CLEC18A: variants seen among roughly 807,000 people sequenced by gnomAD.
The protein encoded by CLEC18A is mannose receptor-like 1.
CLEC18A carries 5 observed loss-of-function variants against 24.0 expected under a neutral mutation model. The ratio of observed to expected loss-of-function variants is 0.21; its 90% CI spans 0.11 to 0.44. The LOEUF is 0.44. CLEC18A is among the 20% of genes least tolerant of loss of function. The pLI, the probability that CLEC18A is intolerant of heterozygous loss-of-function variation, is 0.99. For synonymous variants in CLEC18A, 29 were observed against 100.1 expected (o/e 0.29, Z 4.24); for missense variants, 83 against 233.4 (o/e 0.36, Z 4.20).
intron 2 of CLEC18A, chr16:69,953,528 G>A (rs1223703793): frequency 6.7e-6 from 1 of 149,346 alleles, no homozygotes; most frequent in Non-Finnish European, 1.5e-5. Flanking sequence ...TTAAGAAGAG[G>A]GAGGGGGCTG....
chr16:69,965,908 G>A (rs1448742109), downstream of CLEC18A, among the ~76,000 whole-genome samples: 2 of 54,852 alleles, frequency 3.6e-5, 1 homozygote, highest in Non-Finnish European at 6.1e-5. Context: ...CCTCCCTTGC[G>A]TTTGTCATTC....
In CLEC18A at chr16:69,954,477, T is replaced by C. The variant is rs1182673955; in HGVS notation, c.360T>C (p.Phe120=). The C allele has an allele frequency of 1.6e-5, 25 of 1,610,378 alleles. No homozygotes were observed. Among genetic ancestry groups the C allele is most frequent in the Middle Eastern group, 1.7e-4 (1 of 5,820 alleles). The change falls in exon 3 of 12, where the codon TTT becomes TTC. Residue 120 remains phenylalanine (F), a synonymous_variant. Transcript: ENST00000288040. ...MQLLPAGLVS[F]VEVVSLWFAE... The stretch of plus-strand genomic sequence containing the variant: ...TGCTACCCGCGGGCTTGGTGTCCTT[T>C]GTCGAAGTGGTCAGCCTATGGTTTG...
chr16:69,966,430 C>G (rs1407130056), downstream of CLEC18A, among the ~76,000 whole-genome samples: 1 of 133,592 alleles, frequency 7.5e-6, no homozygotes, highest in East Asian at 2.1e-4. Flanking sequence ...GAAGCCGCGG[C>G]CAAAACCCAC....
Position 69,954,399 on chromosome 16 carries a change from G to A in CLEC18A, c.282G>A (p.Pro94=), listed in dbSNP as rs140204323. ...CAGCCCTCTGTGGAACCCCAACCCC[G>A]AGCCTGGCGTCCGGCCTGTGGCGCA... ...ARAALCGTPT[P]SLASGLWRTL... Residue 94 remains proline, a synonymous_variant, in exon 3 of 12, where the codon CCG becomes CCA. Coordinates refer to ENST00000288040, the MANE Select transcript of CLEC18A (RefSeq NM_001370523.4). 2.0e-5 allele frequency: 33 copies of A among 1,609,976 alleles called. No homozygotes were observed. In the Middle Eastern group the frequency reaches 5.6e-4, roughly 28 times the overall value.
chr16:69,948,518 A>G (rs1278791250), upstream of CLEC18A, among the ~76,000 whole-genome samples: 3 of 151,938 alleles, frequency 2.0e-5, no homozygotes, highest in Admixed American at 6.6e-5. Context: ...GGTATCAGCT[A>G]TGCATGAGCT....
intron 2 of CLEC18A, chr16:69,953,073 G>A (rs1383936480): frequency 6.6e-6 from 1 of 151,398 alleles, no homozygotes; most frequent in Non-Finnish European, 1.5e-5. Flanking sequence ...TTGGCTGGCA[G>A]CTGGCACCCT....
At chr16:69,964,659 C>T (rs1329333769), downstream of CLEC18A, among the ~76,000 whole-genome samples, 3 of 151,116 alleles carry the variant, frequency 2.0e-5, no homozygotes, top group Non-Finnish European at 4.4e-5. Flanking sequence ...GCCACCACGC[C>T]CGGCTAATTT....
At chr16:69,953,799 G>A (rs1164083715) in intron 2 of CLEC18A, 2 of 186,286 alleles carry the variant, frequency 1.1e-5, no homozygotes, top group South Asian at 2.1e-4. Flanking sequence ...TGGGCGACAG[G>A]GTGAGACTGT....
upstream of CLEC18A, among the ~76,000 whole-genome samples, chr16:69,946,207 G>C (rs1304239565): frequency 8.0e-6 from 1 of 125,328 alleles, no homozygotes; most frequent in Admixed American, 8.6e-5. Context: ...CCAGGAGGCG[G>C]AGGTTGCAGT....
upstream of CLEC18A, among the ~76,000 whole-genome samples, chr16:69,946,392 A>AT (rs56112480): frequency 0.025 from 2,088 of 83,702 alleles, 57 homozygotes; most frequent in African/African-American, 0.038. Flanking sequence ...ATGTGTATGG[A>AT]TTTTTTTTTT....
downstream of CLEC18A, among the ~76,000 whole-genome samples, chr16:69,966,152 A>G (rs1175010774): frequency 1.1e-4 from 15 of 140,092 alleles, no homozygotes; most frequent in East Asian, 2.1e-4. Context: ...AGGGTAAACT[A>G]TTCTCATCCA....
chr16:69,948,940 CTTT>C (rs755402035), upstream of CLEC18A, among the ~76,000 whole-genome samples: 1 of 18,802 alleles, frequency 5.3e-5, no homozygotes, highest in Non-Finnish European at 7.6e-5. Flanking sequence ...TCCTGGGACT[CTTT>C]TTTTTTTTTT....
At chr16:69,951,651 G>T in intron 1 of CLEC18A, 161 bp downstream of exon 1, 4 of 1,138,148 alleles carry the variant, frequency 3.5e-6, no homozygotes, top group Non-Finnish European at 4.9e-6. Context: ...GTGAGGGGTG[G>T]ATGCTGGACT....
chr16:69,951,004 C>A, upstream of CLEC18A: 1 of 275,298 alleles, frequency 3.6e-6, no homozygotes, highest in Non-Finnish European at 7.4e-6. Flanking sequence ...GGTCACTAAT[C>A]TGCAGCACTG....
chr16:69,946,689 C>T (rs886165179), upstream of CLEC18A, among the ~76,000 whole-genome samples: 1 of 150,420 alleles, frequency 6.6e-6, no homozygotes, highest in East Asian at 2.0e-4. Flanking sequence ...CAGGTGTCAG[C>T]CACTGTGCCT....
chr16:69,962,719 C>CA (rs2059072755), intron 10 of CLEC18A: 1 of 672,324 alleles, frequency 1.5e-6, no homozygotes, highest in Non-Finnish European at 2.4e-6. Context: ...CTGTCTATTC[C>CA]AGTCCCCACC....
chr16:69,966,595 A>G (rs1959399332), downstream of CLEC18A, among the ~76,000 whole-genome samples: 1 of 135,806 alleles, frequency 7.4e-6, no homozygotes, highest in South Asian at 2.6e-4. Context: ...CTTCTTTAGC[A>G]TATAATCAAT....
upstream of CLEC18A, among the ~76,000 whole-genome samples, chr16:69,950,375 G>A (rs1224334402): frequency 7.8e-6 from 1 of 128,946 alleles, no homozygotes; most frequent in African/African-American, 2.5e-5. Flanking sequence ...CGAGAGGAAC[G>A]TGGGCATTAG....
At chr16:69,945,115 AC>A in the CLEC18A span, among the ~76,000 whole-genome samples, 2 of 145,426 alleles carry the variant, frequency 1.4e-5, no homozygotes, top group East Asian at 3.9e-4. Context: ...ACAGAGTGAG[AC>A]CCTGTCTGGA....
Sources: gnomAD v4.1 joint callset for allele counts (sites outside exome capture counted in the v4.1 genomes callset) on GRCh38, gnomAD v4.1.1 for gene constraint, MANE v1.5 for transcripts, NCBI Gene and HGNC (gene_info 2026-07-23, HGNC 2026-07-21) for gene names.